Variants in UTP25 observed in about 807,000 individuals in gnomAD.
UTP25 encodes the protein U3 small nucleolar RNA-associated protein 25 homolog.
UTP25 carries 50 observed loss-of-function variants against 78.9 expected under a neutral mutation model. That is an observed-to-expected ratio of 0.63 (90% confidence interval 0.50 to 0.80). The LOEUF (loss-of-function observed/expected upper bound fraction) is 0.80. Among genes scored for constraint, UTP25 ranks in the 30% least tolerant of loss-of-function variants. The probability of loss-of-function intolerance (pLI) is 0.00; values close to 1 mark genes in which losing one functional copy is unlikely to be tolerated. For synonymous variants in UTP25, 329 were observed against 336.5 expected, an observed-to-expected ratio of 0.98 and a Z score of 0.24; for missense variants, 846 against 911.3, an observed-to-expected ratio of 0.93 and a Z score of 0.92.
chr1:209,831,063 G>T lies in UTP25; in HGVS notation c.388+20G>T, dbSNP rs1416927852. The T allele has an allele frequency of 1.2e-6, 2 of 1,613,246 alleles. No individual in the cohort carries two copies. The highest frequency in any genetic ancestry group is 1.7e-5 in the Admixed American group (1 of 59,952). ...CAGAGAGTAAGTGTCTTTACTATAGGCTCATCATCTTTGCCAGAACTATAG... is the reference window on the plus strand; with the variant it reads ...CAGAGAGTAAGTGTCTTTACTATAGTCTCATCATCTTTGCCAGAACTATAG... On this transcript the variant is annotated intron_variant, in intron 3 of 11. Coordinates refer to ENST00000491415, the MANE Select transcript of UTP25 (RefSeq NM_014388.7).
In UTP25 at chr1:209,831,225, C is replaced by T. The variant is rs149737080; in HGVS notation, c.388+182C>T. ...TGATGGAAACACAGAACCTTCTTAG[C>T]ACAGCTAGGCAGAAATAACATTTTT... is the stretch of plus-strand genomic sequence containing the variant. On this transcript the variant is annotated intron_variant, in intron 3 of 11. Coordinates refer to ENST00000491415, the MANE Select transcript of UTP25 (RefSeq NM_014388.7). Among the ~76,000 whole-genome samples, 1,469 of 152,272 alleles carry T rather than the reference C, an allele frequency of 9.6e-3. 22 individuals carry two copies. Among genetic ancestry groups the T allele is most frequent in the African/African-American group, 0.033 (1,381 of 41,542 alleles).
At chr1:209,845,529 T>C (rs1182473214) in intron 11 of UTP25, among the ~76,000 whole-genome samples, 1 of 152,234 alleles carries the variant, frequency 6.6e-6, no homozygotes, top group Non-Finnish European at 1.5e-5. Flanking sequence ...GGACAGGGCA[T>C]GGAGCCCTTT....
Position 209,837,046 on chromosome 1 carries a change from T to G in UTP25, c.897T>G (p.Ala299=), listed in dbSNP as rs771403575. 2.5e-6 allele frequency: 4 copies of G among 1,614,124 alleles called. No homozygotes were observed. The South Asian group carries it at 4.4e-5, about 18-fold the overall frequency. The change falls in exon 6 of 12, where the codon GCT becomes GCG. Residue 299 remains alanine, a synonymous_variant. Coordinates refer to ENST00000491415, the MANE Select transcript of UTP25 (RefSeq NM_014388.7). ...YRDLFYPERT[A]LKNGEEIRHV... ...ACCTGTTCTACCCGGAAAGGACTGC[T>G]CTGAAGAACGGGGAAGAGATCCGCC...
In UTP25 at chr1:209,851,317, C is replaced by T. The variant is rs140967197; in HGVS notation, c.2141C>T (p.Thr714Met). Residue 714 changes from threonine (T) to methionine (M), a missense_variant, in exon 12 of 12, where the codon ACG becomes ATG. Transcript: ENST00000491415. Reference sequence around the variant, plus strand: ...GCCACCAACAGAGGAGAAGAGGCCACGTGGACCTGCACTGTTCTCTACTCC... The same window carrying T: ...GCCACCAACAGAGGAGAAGAGGCCATGTGGACCTGCACTGTTCTCTACTCC... ...LRATNRGEEA[T>M]WTCTVLYSKY... The T allele has an allele frequency of 1.9e-5, 31 of 1,614,082 alleles. No individual in the cohort carries two copies. Among genetic ancestry groups the T allele is most frequent in the East Asian group, 2.2e-5 (1 of 44,898 alleles).
chr1:209,836,182 TG>T (rs1483695646), intron 5 of UTP25, among the ~76,000 whole-genome samples: 1 of 152,202 alleles, frequency 6.6e-6, no homozygotes, highest in Non-Finnish European at 1.5e-5. Flanking sequence ...CATGATTCCC[TG>T]GAGAGTCATC....
chr1:209,848,243 A>G (rs2078209417), intron 11 of UTP25, among the ~76,000 whole-genome samples: 1 of 152,228 alleles, frequency 6.6e-6, no homozygotes, highest in African/African-American at 2.4e-5. Flanking sequence ...ATATCTTTTG[A>G]TAAGAATTCT....
intron 7 of UTP25, among the ~76,000 whole-genome samples, chr1:209,839,852 A>G (rs2078156322): frequency 6.6e-6 from 1 of 152,204 alleles, no homozygotes; most frequent in African/African-American, 2.4e-5. Flanking sequence ...TATGTGTGCA[A>G]CGGTTGTTCT....
In UTP25 at chr1:209,842,399, C is replaced by T. The variant is rs2078172239; in HGVS notation, c.1620C>T (p.Ala540=). The change falls in exon 9 of 12, where the codon GCC becomes GCT. Residue 540 remains alanine, a synonymous_variant. Coordinates refer to ENST00000491415, the MANE Select transcript of UTP25 (RefSeq NM_014388.7). The part of the protein sequence containing the change: ...QTLLFGALQD[A]QINSVFNKYC... Reference sequence around the variant, plus strand: ...TGCTATTTGGGGCCCTTCAGGATGCCCAGATCAACTCAGTGTTCAACAAGT... The same window carrying T: ...TGCTATTTGGGGCCCTTCAGGATGCTCAGATCAACTCAGTGTTCAACAAGT... The T allele has an allele frequency of 6.2e-7, 1 of 1,613,974 alleles. No homozygotes were observed. Among genetic ancestry groups the T allele is most frequent in the Non-Finnish European group, 8.5e-7 (1 of 1,180,000 alleles).
chr1:209,842,453 T>G lies in UTP25; in HGVS notation c.1668+6T>G, dbSNP rs1483887995. 1 of 1,614,092 alleles carries G rather than the reference T, an allele frequency of 6.2e-7. No individual in the cohort carries two copies. The highest frequency in any genetic ancestry group is 8.5e-7 in the Non-Finnish European group (1 of 1,179,968). On this transcript the variant is annotated splice_donor_region_variant and intron_variant, in intron 9 of 11. Transcript: ENST00000491415. ...GTGTCAACATGCAAGGCCAGGTGGG[T>G]TCTCGTCTTGTTTCCTCAGTATCTT...
Position 209,837,017 on chromosome 1 carries a change from C to CG in UTP25, c.871dup (p.Asp291GlyfsTer40). On this transcript the variant is annotated frameshift_variant, in exon 6 of 12. Coordinates refer to ENST00000491415, the MANE Select transcript of UTP25 (RefSeq NM_014388.7). LOFTEE classifies it high-confidence loss of function. Reference sequence around the variant, plus strand: ...ACTCTTCTTAATTATGAATTCTTACCGGGACCTGTTCTACCCGGAAAGGAC... The same window carrying CG: ...ACTCTTCTTAATTATGAATTCTTACCGGGGACCTGTTCTACCCGGAAAGGAC... 1 of 1,614,122 alleles carries CG rather than the reference C, an allele frequency of 6.2e-7. No individual in the cohort carries two copies. The highest frequency in any genetic ancestry group is 8.5e-7 in the Non-Finnish European group (1 of 1,180,012).
intron 11 of UTP25, among the ~76,000 whole-genome samples, chr1:209,848,882 G>A (rs930490466): frequency 1.3e-5 from 2 of 152,210 alleles, no homozygotes; most frequent in African/African-American, 4.8e-5. Context: ...GGCCACTGGT[G>A]TGGGTGCTAT....
At chr1:209,839,226 C>A in intron 7 of UTP25, 98 bp downstream of exon 7, 1 of 1,135,482 alleles carries the variant, frequency 8.8e-7, no homozygotes, top group Non-Finnish European at 1.3e-6. Flanking sequence ...GGATCACTCA[C>A]TGTGCCTCTT....
Position 209,828,158 on chromosome 1 carries a change from C to G in UTP25, c.95C>G (p.Pro32Arg), listed in dbSNP as rs1266815751. ...CTTCGAGATTTCGGCGAGGAGCATC[C>G]CTTCTATGACAGGTCTGAAGGGGCG... ...KHLRDFGEEH[P>R]FYDRVSRKEA... The change falls in exon 1 of 12, where the codon CCC (proline) becomes CGC (arginine). Residue 32 changes from proline to arginine, a missense_variant. Coordinates refer to ENST00000491415, the MANE Select transcript of UTP25 (RefSeq NM_014388.7). 4 of 1,613,760 alleles carry G rather than the reference C, an allele frequency of 2.5e-6. No individual in the cohort carries two copies. The highest frequency in any genetic ancestry group is 3.4e-6 in the Non-Finnish European group (4 of 1,179,798).
intron 11 of UTP25, chr1:209,844,680 A>G (rs2078186807): frequency 6.6e-6 from 1 of 152,106 alleles, no homozygotes; most frequent in South Asian, 2.1e-4. Flanking sequence ...AGGGTTAGTA[A>G]TACTGAGCCT....
rs1572010759 is a variant in UTP25, at chr1:209,851,799, T to C, written c.*352T>C. 1 of 178,446 alleles carries C rather than the reference T, an allele frequency of 5.6e-6. No homozygotes were observed. Among genetic ancestry groups the C allele is most frequent in the Non-Finnish European group, 1.2e-5 (1 of 84,214 alleles). The allele number at this position is 178,446 out of a possible 1,614,324, so 11.1% of individuals were successfully genotyped here. A position where few individuals can be genotyped will look rare whatever the true frequency, so the allele number is the denominator to read the frequency against. ...AGTAAATTCTTCCAGATTTTTCTAT[T>C]TGTTTGACACTTCCTTAAAGTAAGG... On this transcript the variant is annotated 3_prime_UTR_variant, in exon 12 of 12. Coordinates refer to ENST00000491415, the MANE Select transcript of UTP25 (RefSeq NM_014388.7).
chr1:209,832,502 T>C (rs938505065), intron 3 of UTP25, among the ~76,000 whole-genome samples: 2 of 152,256 alleles, frequency 1.3e-5, no homozygotes, highest in Non-Finnish European at 2.9e-5. Context: ...TAGTGTACTA[T>C]GTCTGGTTAC....
At chr1:209,848,022 C>T (rs1228697197) in intron 11 of UTP25, among the ~76,000 whole-genome samples, 1 of 152,070 alleles carries the variant, frequency 6.6e-6, no homozygotes, top group Non-Finnish European at 1.5e-5. Context: ...TCTAATTGTT[C>T]CCTTGTTATT....
At position 209,854,181 on chromosome 1, in the gene UTP25, G is replaced by A. The variant is rs183394064; in HGVS notation, c.*2734G>A. On this transcript the variant is annotated 3_prime_UTR_variant, in exon 12 of 12. Transcript: ENST00000491415. ...TGCAGCAAGCAAGTGCCTATATAGG[G>A]TCTGAAATATAGACAAAGGATGGTC... 1 of 152,294 alleles carries A rather than the reference G, an allele frequency of 6.6e-6. No homozygotes were observed. Among genetic ancestry groups the A allele is most frequent in the African/African-American group, 2.4e-5 (1 of 41,554 alleles). The allele number at this position is 152,294 out of a possible 1,614,324, so 9.4% of individuals were successfully genotyped here. A position where few individuals can be genotyped will look rare whatever the true frequency, so the allele number is the denominator to read the frequency against.
chr1:209,828,194 C>A (rs1164308740), intron 1 of UTP25, 24 bp downstream of exon 1: 1 of 1,574,440 alleles, frequency 6.4e-7, no homozygotes, highest in Non-Finnish European at 8.7e-7. Flanking sequence ...TGGCAGGGCT[C>A]CCCAGTCGCC....
Sources: gnomAD v4.1 joint callset for allele counts (sites outside exome capture counted in the v4.1 genomes callset) on GRCh38, gnomAD v4.1.1 for gene constraint, MANE v1.5 for transcripts, NCBI Gene and HGNC (gene_info 2026-07-23, HGNC 2026-07-21) for gene names.